NPAS3: variants seen among roughly 807,000 people sequenced by gnomAD.
NPAS3 encodes neuronal PAS domain-containing protein 3.
NPAS3 carries 14 observed loss-of-function variants against 73.1 expected under a neutral mutation model. The observed-to-expected ratio is 0.19, with a 90% confidence interval of 0.13 to 0.30. The LOEUF (loss-of-function observed/expected upper bound fraction) is 0.30, where lower values mean the gene tolerates loss of function less well. NPAS3 is among the 10% of genes least tolerant of loss of function. The pLI is 1.00. For synonymous variants in NPAS3, 620 were observed against 541.5 expected (o/e 1.14, Z -2.01); for missense variants, 1,096 against 1,250.0 (o/e 0.88, Z 1.86).
intron 7 of NPAS3, among the ~76,000 whole-genome samples, chr14:33,747,390 G>A (rs1438736850): frequency 6.6e-6 from 1 of 152,162 alleles, no homozygotes; most frequent in Non-Finnish European, 1.5e-5. Context: ...TAAAAGAAGA[G>A]AGCCAGGAAT....
chr14:33,500,146 G>A (rs1471732756), intron 4 of NPAS3, among the ~76,000 whole-genome samples: 1 of 151,836 alleles, frequency 6.6e-6, no homozygotes, highest in African/African-American at 2.4e-5. Context: ...AGCAATCACT[G>A]AGCCATATAC....
At chr14:33,609,117 C>A (rs1260918435) in intron 5 of NPAS3, among the ~76,000 whole-genome samples, 1 of 152,070 alleles carries the variant, frequency 6.6e-6, no homozygotes, top group East Asian at 1.9e-4. Flanking sequence ...TCCCTGCCTG[C>A]AAACTAATCC....
At chr14:33,114,894 T>C (rs546679663) in intron 2 of NPAS3, among the ~76,000 whole-genome samples, 29 of 152,200 alleles carry the variant, frequency 1.9e-4, no homozygotes, top group African/African-American at 7.0e-4. Context: ...AATTAAAAGA[T>C]GCAAAAATGT....
At chr14:33,799,926 C>T (rs1382812164) in exon 12 of NPAS3, 2 of 1,614,132 alleles carry the variant, frequency 1.2e-6, no homozygotes, top group Non-Finnish European at 1.7e-6. Context: ...TTTGAGAACC[C>T]CAAGGCGGGC....
chr14:33,522,134 A>G (rs1267239022), intron 4 of NPAS3, among the ~76,000 whole-genome samples: 1 of 152,216 alleles, frequency 6.6e-6, no homozygotes, highest in Non-Finnish European at 1.5e-5. Flanking sequence ...TTAAGTGCTC[A>G]TATTTGACAT....
chr14:33,642,104 C>A (rs1026616118), intron 5 of NPAS3, among the ~76,000 whole-genome samples: 1 of 152,080 alleles, frequency 6.6e-6, no homozygotes, highest in East Asian at 1.9e-4. Flanking sequence ...TATTTGATCA[C>A]CATGGGAACT....
intron 3 of NPAS3, among the ~76,000 whole-genome samples, chr14:33,362,536 G>A (rs149657388): frequency 5.9e-5 from 9 of 152,172 alleles, no homozygotes; most frequent in East Asian, 1.9e-4. Flanking sequence ...TTTCTCAGCC[G>A]CTGGCTTTGC....
At position 33,056,119 on chromosome 14, in the gene NPAS3, A is replaced by AAC. The variant is rs1491292384; in HGVS notation, c.140+127_140+128dup. The stretch of plus-strand genomic sequence containing the variant: ...TCTAATTTAGTGGGGGAGAAAAAAA[A>AAC]ACAAAAAAACAAACCAACAAACCAA... On this transcript the variant is annotated intron_variant, in intron 2 of 11. Coordinates refer to ENST00000356141, the Ensembl canonical transcript of NPAS3. 4 of 543,640 alleles carry AAC rather than the reference A, an allele frequency of 7.4e-6. No homozygotes were observed. The South Asian group carries it at 1.2e-4, about 16-fold the overall frequency. 33.7% of individuals were successfully genotyped at this position (543,640 alleles called of 1,614,324 possible). A position where few individuals can be genotyped will look rare whatever the true frequency, so the allele number is the denominator to read the frequency against.
At chr14:33,114,614 A>G (rs2043001643) in intron 2 of NPAS3, among the ~76,000 whole-genome samples, 1 of 152,222 alleles carries the variant, frequency 6.6e-6, no homozygotes, top group East Asian at 1.9e-4. Context: ...GATGAGAACA[A>G]TCCTCTCTGT....
At chr14:33,307,683 C>T (rs1413651052) in intron 3 of NPAS3, among the ~76,000 whole-genome samples, 1 of 150,632 alleles carries the variant, frequency 6.6e-6, no homozygotes, top group African/African-American at 2.4e-5. Context: ...TTCCAACAAT[C>T]TGTTACAAGT....
At chr14:33,381,112 G>A (rs1566850480) in intron 4 of NPAS3, among the ~76,000 whole-genome samples, 1 of 151,684 alleles carries the variant, frequency 6.6e-6, no homozygotes, top group Non-Finnish European at 1.5e-5. Context: ...ATAGTTCAAT[G>A]ACATTTTAAA....
At chr14:33,327,922 A>C (rs1471158574) in intron 3 of NPAS3, among the ~76,000 whole-genome samples, 1 of 152,198 alleles carries the variant, frequency 6.6e-6, no homozygotes, top group Non-Finnish European at 1.5e-5. Context: ...ACCAGTAATC[A>C]GGTTTCTTTT....
chr14:33,608,773 G>A (rs2057658443), intron 5 of NPAS3: 2 of 152,260 alleles, frequency 1.3e-5, no homozygotes, highest in South Asian at 4.1e-4. Context: ...TAGCTTTAGT[G>A]AGACCAGTCA....
intron 3 of NPAS3, among the ~76,000 whole-genome samples, chr14:33,356,843 T>C (rs2045358400): frequency 6.6e-6 from 1 of 152,250 alleles, no homozygotes; most frequent in Non-Finnish European, 1.5e-5. Context: ...AGAGAAAGGC[T>C]TGAACTCAGC....
intron 7 of NPAS3, among the ~76,000 whole-genome samples, chr14:33,763,526 TAAGG>T: frequency 6.6e-6 from 1 of 152,276 alleles, no homozygotes; most frequent in African/African-American, 2.4e-5. Context: ...TACACCCTGC[TAAGG>T]AAGGGGTGGC....
chr14:33,384,922 C>T lies in NPAS3; in HGVS notation c.468+17654C>T, dbSNP rs188066220. Among the ~76,000 whole-genome samples the T allele has an allele frequency of 2.0e-3, 309 of 152,162 alleles. 2 individuals carry two copies. The highest frequency in any genetic ancestry group is 2.3e-3 in the Non-Finnish European group (156 of 67,998). The stretch of plus-strand genomic sequence containing the variant: ...CTTTACCAGGGAAGCCCGGGCCACA[C>T]GTTGGGGATTGAGATGGAGAAGGCT... On this transcript the variant is annotated intron_variant, in intron 4 of 11. Coordinates refer to ENST00000356141, the Ensembl canonical transcript of NPAS3.
intron 5 of NPAS3, among the ~76,000 whole-genome samples, chr14:33,599,611 C>A (rs569443822): frequency 3.4e-4 from 52 of 152,076 alleles, no homozygotes; most frequent in Non-Finnish European, 5.6e-4. Context: ...TACTGTAAAA[C>A]TGAGTGCTAT....
chr14:33,669,237 T>C (rs2059542335), intron 5 of NPAS3, among the ~76,000 whole-genome samples: 1 of 152,246 alleles, frequency 6.6e-6, no homozygotes, highest in South Asian at 2.1e-4. Flanking sequence ...CTTTTTACTA[T>C]GATGTAACCT....
chr14:33,539,990 C>T (rs922967577), intron 4 of NPAS3, among the ~76,000 whole-genome samples: 4 of 152,222 alleles, frequency 2.6e-5, no homozygotes, highest in African/African-American at 7.2e-5. Context: ...TGCATCCTCA[C>T]TCTGCCTTCA....
Sources: allele counts gnomAD v4.1 joint callset (sites outside exome capture counted in the v4.1 genomes callset), GRCh38; gene constraint gnomAD v4.1.1; transcripts MANE v1.5; gene names NCBI Gene and HGNC (gene_info 2026-07-23, HGNC 2026-07-21).